NPHP1: variants seen among roughly 807,000 people sequenced by gnomAD.
NPHP1 encodes the protein nephrocystin-1.
In NPHP1, 70 loss-of-function variants were observed where a neutral mutation model predicts 90.4. The ratio of observed to expected loss-of-function variants is 0.77; its 90% CI spans 0.64 to 0.95. NPHP1 has a LOEUF of 0.95. NPHP1 is among the 40% of genes least tolerant of loss of function. The probability of loss-of-function intolerance (pLI) is 0.00; values close to 1 mark genes in which losing one functional copy is unlikely to be tolerated. For missense variants in NPHP1, 764 were observed against 795.9 expected, an observed-to-expected ratio of 0.96 and a Z score of 0.48; for synonymous variants, 256 against 271.7, an observed-to-expected ratio of 0.94 and a Z score of 0.57.
At chr2:110,161,824 C>A in intron 9 of NPHP1, 127 bp from the exon 10 acceptor site, 1 of 661,850 alleles carries the variant, frequency 1.5e-6, no homozygotes, top group Non-Finnish European at 2.7e-6. Flanking sequence ...TAAGAACTTG[C>A]TTTCCAAAAT....
chr2:110,193,707 A>C (rs538978406), intron 2 of NPHP1, among the ~76,000 whole-genome samples: 2 of 151,974 alleles, frequency 1.3e-5, no homozygotes, highest in Non-Finnish European at 2.9e-5. Context: ...AATATACATT[A>C]TTCTCAGCAC....
At chr2:110,184,605 G>A in intron 2 of NPHP1, 1 of 1,112,172 alleles carries the variant, frequency 9.0e-7, no homozygotes, top group South Asian at 1.3e-5. Flanking sequence ...CATGCGAATT[G>A]ACATCGCAAG....
At chr2:110,199,223 G>A (rs6714985) in intron 2 of NPHP1, among the ~76,000 whole-genome samples, 22,805 of 151,832 alleles carry the variant, frequency 0.15, 3,690 homozygotes, top group African/African-American at 0.41. Context: ...ACCTGAAGTC[G>A]GGAGTTTGAG....
chr2:110,134,370 C>T (rs889516481), intron 16 of NPHP1, among the ~76,000 whole-genome samples: 1 of 151,714 alleles, frequency 6.6e-6, no homozygotes, highest in Non-Finnish European at 1.5e-5. Flanking sequence ...TAAAGAAAAG[C>T]CCAGCATCAG....
intron 11 of NPHP1, among the ~76,000 whole-genome samples, chr2:110,155,756 T>C (rs142050569): frequency 0.016 from 2,492 of 152,274 alleles, 41 homozygotes; most frequent in South Asian, 0.056. Context: ...TGTACCTCCA[T>C]TGTATCTGGA....
At chr2:110,177,848 C>A (rs115536539) in intron 4 of NPHP1, among the ~76,000 whole-genome samples, 1 of 151,808 alleles carries the variant, frequency 6.6e-6, no homozygotes, top group Admixed American at 6.6e-5. Flanking sequence ...CTCAAGCAAT[C>A]CTCCTTGCCT....
chr2:110,185,185 T>C (rs955372910), intron 2 of NPHP1: 9 of 549,554 alleles, frequency 1.6e-5, no homozygotes, highest in African/African-American at 1.5e-4. Flanking sequence ...CTTCTAATGT[T>C]GGGATATCAT....
At chr2:110,190,366 A>T (rs1684628044) in intron 2 of NPHP1, among the ~76,000 whole-genome samples, 1 of 152,162 alleles carries the variant, frequency 6.6e-6, no homozygotes, top group Non-Finnish European at 1.5e-5. Flanking sequence ...GAAGGTCCCG[A>T]GCCCTGCCCC....
At chr2:110,141,185 A>T (rs1680601820) in intron 16 of NPHP1, among the ~76,000 whole-genome samples, 1 of 152,180 alleles carries the variant, frequency 6.6e-6, no homozygotes, top group Admixed American at 6.5e-5. Flanking sequence ...CCAGCTACAC[A>T]TCTTCATTTG....
At position 110,144,540 on chromosome 2, in the gene NPHP1, G is replaced by A; in HGVS notation, c.1382C>T (p.Thr461Ile). Reference sequence around the variant, plus strand: ...CACTTCAATACCTTTTTCATAAGGAGTACCACCATTCAAGAAAAGCTCATA... The same window carrying A: ...CACTTCAATACCTTTTTCATAAGGAATACCACCATTCAAGAAAAGCTCATA... The part of the protein sequence containing the change: ...KTYELFLNGG[T>I]PYEKGIEVDP... The change falls in exon 15 of 20, where the codon ACT becomes ATT. Residue 461 changes from threonine to isoleucine, a missense_variant. By Grantham distance (89) the Thr-to-Ile change is moderately conservative. Transcript: ENST00000445609. The A allele has an allele frequency of 6.2e-7, 1 of 1,604,812 alleles. No homozygotes were observed. Among genetic ancestry groups the A allele is most frequent in the South Asian group, 1.1e-5 (1 of 90,886 alleles).
chr2:110,165,312 G>A (rs1169405234), intron 6 of NPHP1, among the ~76,000 whole-genome samples, 157 bp from the exon 7 acceptor site: 1 of 152,120 alleles, frequency 6.6e-6, no homozygotes, highest in Admixed American at 6.5e-5. Context: ...AGAAAATCTT[G>A]AGCATAGATG....
intron 6 of NPHP1, among the ~76,000 whole-genome samples, chr2:110,168,218 G>C (rs1274246620): frequency 6.6e-6 from 1 of 152,160 alleles, no homozygotes; most frequent in Non-Finnish European, 1.5e-5. Flanking sequence ...AATCCACAAA[G>C]CATCCCCTCA....
At chr2:110,150,412 CTTTTTA>C (rs1681377794) in intron 11 of NPHP1, among the ~76,000 whole-genome samples, 156 bp from the exon 12 acceptor site, 3 of 152,092 alleles carry the variant, frequency 2.0e-5, no homozygotes. Flanking sequence ...TAATGTTTTT[CTTTTTA>C]TATCAGGTAT....
At chr2:110,165,926 T>C (rs931460427) in intron 6 of NPHP1, among the ~76,000 whole-genome samples, 2 of 152,120 alleles carry the variant, frequency 1.3e-5, no homozygotes, top group Non-Finnish European at 2.9e-5. Context: ...CATAAAATAT[T>C]ATGTATCAAT....
chr2:110,152,397 G>A (rs1048568006), intron 11 of NPHP1, among the ~76,000 whole-genome samples: 1 of 151,772 alleles, frequency 6.6e-6, no homozygotes, highest in African/African-American at 2.4e-5. Context: ...TAAAAAGACA[G>A]AGTAATACCC....
chr2:110,187,181 A>G (rs1195555894), intron 2 of NPHP1, among the ~76,000 whole-genome samples: 1 of 152,150 alleles, frequency 6.6e-6, no homozygotes, highest in African/African-American at 2.4e-5. Context: ...TCAGAGCTGA[A>G]CTGAAGGAGA....
chr2:110,125,976 A>C, intron 18 of NPHP1: 1 of 438,672 alleles, frequency 2.3e-6, no homozygotes, highest in Non-Finnish European at 4.2e-6. Context: ...CTATACAACC[A>C]CAGCACCTGA....
intron 2 of NPHP1, among the ~76,000 whole-genome samples, chr2:110,189,184 A>G (rs1684503281): frequency 6.6e-6 from 1 of 152,202 alleles, no homozygotes; most frequent in African/African-American, 2.4e-5. Flanking sequence ...TTTGCACAGC[A>G]AAAGAAACTA....
At chr2:110,182,491 A>G (rs1342722849) in intron 2 of NPHP1, among the ~76,000 whole-genome samples, 1 of 152,178 alleles carries the variant, frequency 6.6e-6, no homozygotes, top group East Asian at 1.9e-4. Context: ...AATATTCATC[A>G]TTCTTAAAGA....
Sources: gnomAD v4.1 joint callset for allele counts (sites outside exome capture counted in the v4.1 genomes callset) on GRCh38, gnomAD v4.1.1 for gene constraint, MANE v1.5 for transcripts, NCBI Gene and HGNC (gene_info 2026-07-23, HGNC 2026-07-21) for gene names.